The following ERC2 variants were observed in gnomAD, a reference collection of about 807,000 sequenced individuals.
The protein encoded by ERC2 is ERC protein 2.
ERC2 carries 42 observed loss-of-function variants against 114.8 expected under a neutral mutation model. The observed-to-expected ratio is 0.37, with a 90% confidence interval of 0.29 to 0.47. The LOEUF is 0.47. ERC2 is among the 20% of genes least tolerant of loss of function. The pLI is 0.99. For missense variants in ERC2, 939 were observed against 1,150.7 expected (o/e 0.82, Z 2.66); for synonymous variants, 454 against 425.5 (o/e 1.07, Z -0.82).
intron 17 of ERC2, among the ~76,000 whole-genome samples, chr3:55,551,015 C>CAAAAA (rs368001324): frequency 1.3e-5 from 1 of 76,708 alleles, no homozygotes. Flanking sequence ...GACTCCGTCT[C>CAAAAA]AAAAAAAAAA....
chr3:56,094,143 G>A (rs2077935472), intron 6 of ERC2, among the ~76,000 whole-genome samples: 1 of 152,200 alleles, frequency 6.6e-6, no homozygotes, highest in South Asian at 2.1e-4. Context: ...TTTAGGAAAG[G>A]CTGTTCTAAA....
intron 3 of ERC2, among the ~76,000 whole-genome samples, chr3:56,221,778 C>A (rs1442175402): frequency 6.6e-6 from 1 of 152,122 alleles, no homozygotes; most frequent in African/African-American, 2.4e-5. Flanking sequence ...GTAGTGGGCG[C>A]CTGTAGTCCC....
intron 6 of ERC2, among the ~76,000 whole-genome samples, chr3:56,104,931 G>A (rs1418991653): frequency 6.6e-6 from 1 of 151,930 alleles, no homozygotes; most frequent in Non-Finnish European, 1.5e-5. Context: ...AGCAAGCCTG[G>A]GGAATCCTGC....
At chr3:56,167,985 T>C (rs913090422) in intron 4 of ERC2, among the ~76,000 whole-genome samples, 4 of 152,192 alleles carry the variant, frequency 2.6e-5, no homozygotes, top group African/African-American at 9.6e-5. Flanking sequence ...CTACCCATTC[T>C]AGGATGCAAA....
intron 1 of ERC2, among the ~76,000 whole-genome samples, chr3:56,446,611 CT>C (rs71099636): frequency 1.4e-3 from 169 of 120,198 alleles, no homozygotes; most frequent in South Asian, 3.8e-3. Context: ...GCATTTTCTT[CT>C]TTTTTTTTTT....
At chr3:55,561,124 G>A (rs1438792761) in intron 17 of ERC2, among the ~76,000 whole-genome samples, 1 of 147,786 alleles carries the variant, frequency 6.8e-6, no homozygotes, top group Non-Finnish European at 1.5e-5. Flanking sequence ...AGTCACAGCA[G>A]AAAGCTCACC....
chr3:55,603,847 CATAG>C (rs1263708875), intron 17 of ERC2, among the ~76,000 whole-genome samples: 1 of 152,060 alleles, frequency 6.6e-6, no homozygotes, highest in Non-Finnish European at 1.5e-5. Context: ...AACTGGCATT[CATAG>C]ATAATCTTTT....
chr3:56,238,651 C>T (rs1019935916), intron 3 of ERC2, among the ~76,000 whole-genome samples: 1 of 152,182 alleles, frequency 6.6e-6, no homozygotes, highest in Non-Finnish European at 1.5e-5. Flanking sequence ...TTAATTGGAC[C>T]ATTGGCATAC....
intron 2 of ERC2, among the ~76,000 whole-genome samples, chr3:56,388,330 T>C (rs2060007987): frequency 6.6e-6 from 1 of 152,038 alleles, no homozygotes; most frequent in African/African-American, 2.4e-5. Flanking sequence ...GATCTGGTTG[T>C]TTAAAATAAC....
At position 55,508,585 on chromosome 3, in the gene ERC2, T is replaced by C. The variant is rs544757621; in HGVS notation, c.*2731A>G. ...TGAAGAAATATTACAAGAAGCACTA[T>C]CAAACGAGGGTCTCGGGGAATTAGA... On this transcript the variant is annotated 3_prime_UTR_variant, in exon 18 of 18. Transcript: ENST00000288221. 7 of 152,516 alleles carry C rather than the reference T, an allele frequency of 4.6e-5. No individual in the cohort carries two copies. Among genetic ancestry groups the C allele is most frequent in the African/African-American group, 1.7e-4 (7 of 41,472 alleles). 9.4% of individuals were successfully genotyped at this position (152,516 alleles called of 1,614,324 possible).
At chr3:56,086,684 A>G (rs1382229550) in intron 6 of ERC2, among the ~76,000 whole-genome samples, 4 of 152,124 alleles carry the variant, frequency 2.6e-5, no homozygotes, top group Non-Finnish European at 5.9e-5. Flanking sequence ...AAGATAAGGC[A>G]AGAAAAAATG....
chr3:55,561,393 G>A (rs571894238), intron 17 of ERC2, among the ~76,000 whole-genome samples: 8 of 152,086 alleles, frequency 5.3e-5, no homozygotes, highest in African/African-American at 1.9e-4. Context: ...CATTTCTGTG[G>A]GTTAGAGGGT....
At chr3:56,152,783 T>G (rs1414188516) in intron 4 of ERC2, among the ~76,000 whole-genome samples, 2 of 152,156 alleles carry the variant, frequency 1.3e-5, no homozygotes, top group Admixed American at 6.6e-5. Context: ...AAAATAATAC[T>G]TATAAAAATT....
chr3:55,993,343 A>C (rs1414323752), intron 10 of ERC2, among the ~76,000 whole-genome samples: 1 of 152,200 alleles, frequency 6.6e-6, no homozygotes, highest in Non-Finnish European at 1.5e-5. Flanking sequence ...TACATGGAGC[A>C]GATATTTATT....
intron 17 of ERC2, among the ~76,000 whole-genome samples, chr3:55,648,844 C>A (rs2060496675): frequency 6.6e-6 from 1 of 151,528 alleles, no homozygotes; most frequent in Non-Finnish European, 1.5e-5. Flanking sequence ...GCTTCTGCTT[C>A]TGTTATGCTC....
chr3:56,215,179 T>C (rs1354492248), intron 3 of ERC2, among the ~76,000 whole-genome samples: 1 of 152,098 alleles, frequency 6.6e-6, no homozygotes, highest in African/African-American at 2.4e-5. Context: ...AATGCTCCAA[T>C]TAAAAGACAC....
rs73089191 is a variant in ERC2, at chr3:56,032,509, T to C, written c.1642-13478A>G. Among the ~76,000 whole-genome samples, 1,318 of 152,032 alleles carry C rather than the reference T, an allele frequency of 8.7e-3. 6 individuals carry two copies. The highest frequency in any genetic ancestry group is 0.017 in the Middle Eastern group (5 of 292). On this transcript the variant is annotated intron_variant, in intron 7 of 17. Coordinates refer to ENST00000288221, the MANE Select transcript of ERC2 (RefSeq NM_015576.3). Reference sequence around the variant, plus strand: ...AAATAATGACAGAAAACTACCTAAATCTGGAGAGGGAAATGAGTATTCAGA... The same window carrying C: ...AAATAATGACAGAAAACTACCTAAACCTGGAGAGGGAAATGAGTATTCAGA...
intron 3 of ERC2, among the ~76,000 whole-genome samples, chr3:56,287,385 T>C (rs915431835): frequency 1.3e-5 from 2 of 152,226 alleles, no homozygotes; most frequent in East Asian, 3.9e-4. Flanking sequence ...CCTTATTCTC[T>C]GCTCACAAAA....
At chr3:55,965,694 G>A (rs1406143913) in intron 12 of ERC2, among the ~76,000 whole-genome samples, 1 of 152,092 alleles carries the variant, frequency 6.6e-6, no homozygotes, top group Non-Finnish European at 1.5e-5. Context: ...GCTCAATGGG[G>A]GGTTACGGTA....
Sources: allele counts gnomAD v4.1 joint callset (sites outside exome capture counted in the v4.1 genomes callset), GRCh38; gene constraint gnomAD v4.1.1; transcripts MANE v1.5; gene names NCBI Gene and HGNC (gene_info 2026-07-23, HGNC 2026-07-21).